OR8B2: variants seen among roughly 807,000 people sequenced by gnomAD.
OR8B2 encodes the protein olfactory receptor family 8 subfamily B member 2.
For missense variants in OR8B2, 304 were observed against 379.6 expected (o/e 0.80, Z 1.65); for synonymous variants, 98 against 138.2 (o/e 0.71, Z 2.04).
At chr11:124,395,391 T>C in the OR8B2 span, 1 of 152,202 alleles carries the variant, frequency 6.6e-6, no homozygotes, top group African/African-American at 2.4e-5. Flanking sequence ...AATAAAGGAA[T>C]TATGAGAAAT....
upstream of OR8B2, among the ~76,000 whole-genome samples, chr11:124,386,871 C>T (rs1369364017): frequency 5.3e-5 from 8 of 149,904 alleles, no homozygotes; most frequent in Non-Finnish European, 1.2e-4. Context: ...TACAGTCCCA[C>T]CAACAGTGTG....
At chr11:124,387,073 T>A (rs1860714485), upstream of OR8B2, among the ~76,000 whole-genome samples, 1 of 152,272 alleles carries the variant, frequency 6.6e-6, no homozygotes, top group Non-Finnish European at 1.5e-5. Flanking sequence ...GAAGTGTCTG[T>A]TCATATCCTT....
chr11:124,396,840 G>T, the OR8B2 span: 2 of 1,610,418 alleles, frequency 1.2e-6, no homozygotes, highest in Non-Finnish European at 1.7e-6. Context: ...GATGATATTA[G>T]CACTGCAGAA....
the OR8B2 span, chr11:124,396,175 AT>A: frequency 2.3e-6 from 1 of 431,876 alleles, no homozygotes; most frequent in Non-Finnish European, 4.1e-6. Flanking sequence ...ATAATGAAAA[AT>A]ATCAGTGCAT....
In OR8B2 at chr11:124,383,212, G is replaced by C; in HGVS notation, c.132C>G (p.Gly44=). 2.5e-6 allele frequency: 4 copies of C among 1,613,976 alleles called. No homozygotes were observed. The highest frequency in any genetic ancestry group is 3.4e-6 in the Non-Finnish European group (4 of 1,179,866). ...AATTTAGACCGAAAAGAGTGATCAA[G>C]CCAAGGTTGCCTACCATGGTGACAA... is the stretch of plus-strand genomic sequence containing the variant. ...IYIVTMVGNL[G]LITLFGLNSH... Residue 44 remains glycine, a synonymous_variant, in exon 2 of 2, where the codon GGC becomes GGG. Transcript: ENST00000641451.
upstream of OR8B2, among the ~76,000 whole-genome samples, chr11:124,386,544 G>C (rs893779336): frequency 6.7e-6 from 1 of 150,256 alleles, no homozygotes. Context: ...TACTGAGAAT[G>C]ATGATTTCCA....
upstream of OR8B2, among the ~76,000 whole-genome samples, chr11:124,385,509 T>A (rs995583895): frequency 6.6e-6 from 1 of 151,788 alleles, no homozygotes; most frequent in African/African-American, 2.4e-5. Flanking sequence ...TGTGTGTGTG[T>A]GTGTGTGTGT....
chr11:124,396,689 A>G, the OR8B2 span: 873 of 1,613,842 alleles, frequency 5.4e-4, 1 homozygote, highest in Admixed American at 8.0e-4. Flanking sequence ...TGCTAGTGAC[A>G]ATGAAAACAT....
At chr11:124,396,790 A>G in the OR8B2 span, 2 of 1,612,670 alleles carry the variant, frequency 1.2e-6, no homozygotes, top group African/African-American at 2.7e-5. Flanking sequence ...CTGGTGCAGG[A>G]AAGCTGGAGG....
At chr11:124,397,064 C>G in the OR8B2 span, 1 of 1,613,724 alleles carries the variant, frequency 6.2e-7, no homozygotes, top group African/African-American at 1.3e-5. Context: ...GAGTCATGCA[C>G]CCAACATAGG....
chr11:124,388,858 C>T (rs1423841081), upstream of OR8B2, among the ~76,000 whole-genome samples: 3 of 144,428 alleles, frequency 2.1e-5, no homozygotes, highest in South Asian at 2.2e-4. Context: ...GATGGAGTCT[C>T]GCTCTGTCTC....
chr11:124,396,804 G>T, the OR8B2 span: 2 of 1,610,922 alleles, frequency 1.2e-6, no homozygotes, highest in Non-Finnish European at 1.7e-6. Context: ...CTGGAGGAGG[G>T]GGAGTATGTC....
In OR8B2 at chr11:124,383,176, G is replaced by T. The variant is rs780672088; in HGVS notation, c.168C>A (p.His56Gln). The T allele has an allele frequency of 1.1e-5, 18 of 1,613,848 alleles. No individual in the cohort carries two copies. Among genetic ancestry groups the T allele is most frequent in the Admixed American group, 1.7e-5 (1 of 59,960 alleles). ...ITLFGLNSHL[H>Q]TPMYYFLFNL... ...TGAAGAGGAAATAGTACATTGGTGT[G>T]TGGAGGTGAGAATTTAGACCGAAAA... Residue 56 changes from histidine to glutamine, a missense_variant, in exon 2 of 2, where the codon CAC becomes CAA. His to Gln is a conservative substitution (Grantham distance 24). Transcript: ENST00000641451.
At chr11:124,389,910 AAG>A in the OR8B2 span, among the ~76,000 whole-genome samples, 1 of 152,202 alleles carries the variant, frequency 6.6e-6, no homozygotes, top group Non-Finnish European at 1.5e-5. Flanking sequence ...GGAAGGGGGA[AAG>A]AGCAAAACAT....
upstream of OR8B2, among the ~76,000 whole-genome samples, chr11:124,385,066 T>C (rs1351496444): frequency 6.6e-6 from 1 of 152,326 alleles, no homozygotes; most frequent in East Asian, 1.9e-4. Flanking sequence ...AAGGATACTT[T>C]TAATTGATTT....
upstream of OR8B2, among the ~76,000 whole-genome samples, chr11:124,386,947 G>C (rs1198057346): frequency 6.6e-6 from 1 of 151,018 alleles, no homozygotes; most frequent in Non-Finnish European, 1.5e-5. Flanking sequence ...AATGATTGCC[G>C]TTTTAACTGG....
the OR8B2 span, among the ~76,000 whole-genome samples, chr11:124,390,318 C>T: frequency 1.4e-3 from 212 of 152,288 alleles, 1 homozygote; most frequent in Admixed American, 2.7e-3. Flanking sequence ...AAATTAAGCA[C>T]ATTGGCAGGT....
chr11:124,396,500 G>C, the OR8B2 span: 1 of 1,614,094 alleles, frequency 6.2e-7, no homozygotes, highest in Non-Finnish European at 8.5e-7. Flanking sequence ...TGAGAGGATT[G>C]AGCATGGGCA....
Position 124,384,432 on chromosome 11 carries a change from C to G in OR8B2, c.-76G>C, listed in dbSNP as rs1860660202. 6.6e-6 allele frequency: 1 copy of G among 152,168 alleles called. No individual in the cohort carries two copies. Among genetic ancestry groups the G allele is most frequent in the Non-Finnish European group, 1.5e-5 (1 of 68,024 alleles). The allele number at this position is 152,168 out of a possible 1,614,324, so 9.4% of individuals were successfully genotyped here. A position where few individuals can be genotyped will look rare whatever the true frequency, so the allele number is the denominator to read the frequency against. ...TTGATATGTGTTTCACCTCCACTGCCCTGGAGGTAGAACTGGTGGTGAAGG... is the reference window on the plus strand; with the variant it reads ...TTGATATGTGTTTCACCTCCACTGCGCTGGAGGTAGAACTGGTGGTGAAGG... On this transcript the variant is annotated 5_prime_UTR_variant, in exon 1 of 2. Coordinates refer to ENST00000641451, the MANE Select transcript of OR8B2 (RefSeq NM_001005468.2).
Sources: gnomAD v4.1 joint callset for allele counts (sites outside exome capture counted in the v4.1 genomes callset) on GRCh38, gnomAD v4.1.1 for gene constraint, MANE v1.5 for transcripts, NCBI Gene and HGNC (gene_info 2026-07-23, HGNC 2026-07-21) for gene names.